PAPLN: variants seen among roughly 807,000 people sequenced by gnomAD.
PAPLN encodes papilin.
PAPLN carries 146 observed loss-of-function variants against 159.0 expected under a neutral mutation model. The ratio of observed to expected loss-of-function variants is 0.92; its 90% CI spans 0.80 to 1.05. PAPLN has a LOEUF of 1.05. PAPLN is among the 50% of genes least tolerant of loss of function. The pLI, the probability that PAPLN is intolerant of heterozygous loss-of-function variation, is 0.00. For missense variants in PAPLN, 1,720 were observed against 1,743.9 expected (o/e 0.99, Z 0.24); for synonymous variants, 734 against 702.9 (o/e 1.04, Z -0.70).
chr14:73,266,637 G>T lies in PAPLN; in HGVS notation c.3391+9G>T. ...CCAGCTCAGAGTTCTGGGTAAAGTG[G>T]CAGTCCTGAGTGGCCTTTGAGGTCA... On this transcript the variant is annotated intron_variant, in intron 24 of 26. Transcript: ENST00000644200. 1 of 1,614,126 alleles carries T rather than the reference G, an allele frequency of 6.2e-7. No individual in the cohort carries two copies. Among genetic ancestry groups the T allele is most frequent in the Non-Finnish European group, 8.5e-7 (1 of 1,180,008 alleles).
At chr14:73,244,516 G>GGA (rs2140187938) in intron 2 of PAPLN, 128 bp from the exon 3 acceptor site, 1 of 730,200 alleles carries the variant, frequency 1.4e-6, no homozygotes, top group East Asian at 2.8e-5. Context: ...CCTAAAGGTG[G>GGA]GCCCTGGAAG....
intron 2 of PAPLN, among the ~76,000 whole-genome samples, chr14:73,240,106 A>G (rs1448288249): frequency 1.3e-5 from 2 of 152,076 alleles, no homozygotes; most frequent in East Asian, 3.9e-4. Context: ...TGGTGGGAGC[A>G]CTCCATGAAG....
In PAPLN at chr14:73,262,759, G is replaced by GGGCAGGAGCTTGGT; in HGVS notation, c.2655_2656insGGCAGGAGCTTGGT (p.Ser886GlyfsTer83). On this transcript the variant is annotated frameshift_variant, in exon 19 of 27. Transcript: ENST00000644200. LOFTEE classifies it high-confidence loss of function. Reference sequence around the variant, plus strand: ...AATGGCCATGGGGGCAGGAGCTTGGGTCCAGGGCCCCTGGACTGGGTGGAG... The same window carrying GGGCAGGAGCTTGGT: ...AATGGCCATGGGGGCAGGAGCTTGGGGGCAGGAGCTTGGTTCCAGGGCCCCTGGACTGGGTGGAG... 2.6e-6 allele frequency: 4 copies of GGGCAGGAGCTTGGT among 1,511,196 alleles called. No individual in the cohort carries two copies. Among genetic ancestry groups the GGGCAGGAGCTTGGT allele is most frequent in the Non-Finnish European group, 3.5e-6 (4 of 1,134,854 alleles). 93.6% of individuals were successfully genotyped at this position (1,511,196 alleles called of 1,614,324 possible).
rs1326527325 is a variant in PAPLN, at chr14:73,253,806, C to T, written c.1147C>T (p.Gln383Ter). 6.2e-7 allele frequency: 1 copy of T among 1,612,376 alleles called. No homozygotes were observed. The highest frequency in any genetic ancestry group is 1.1e-5 in the South Asian group (1 of 91,000). Residue 383 changes from glutamine to a stop codon, truncating the protein, a stop_gained, in exon 12 of 27, where the codon CAG (glutamine) becomes TAG (stop). Transcript: ENST00000644200. LOFTEE classifies it high-confidence loss of function. ...CTCAGCCTCCTGTGGAGGAGGCTCC[C>T]AGTCCCGCTCCGTGTACTGCATCTC... is the stretch of plus-strand genomic sequence containing the variant. The part of the protein sequence containing the change: ...PCSASCGGGS[Q>*]SRSVYCISSD...
Position 73,266,872 on chromosome 14 carries a change from CACA to C in PAPLN, c.3500+44_3500+46del, listed in dbSNP as rs763403813. The C allele has an allele frequency of 5.2e-6, 8 of 1,547,796 alleles. No individual in the cohort carries two copies. The East Asian group carries it at 1.4e-4, about 28-fold the overall frequency. ...CAAGTTGTCCCTGTCCCCAGACCTT[CACA>C]ACCTCAGGTGTGGGTGTCCACCTTT... On this transcript the variant is annotated intron_variant, in intron 25 of 26. Coordinates refer to ENST00000644200, the MANE Select transcript of PAPLN (RefSeq NM_001365906.3).
intron 1 of PAPLN, among the ~76,000 whole-genome samples, chr14:73,238,079 C>T (rs1883164292): frequency 6.6e-6 from 1 of 152,154 alleles, no homozygotes. Context: ...GGTGGGGACG[C>T]GGGGTGCCTG....
Position 73,272,820 on chromosome 14 carries a change from G to A in PAPLN, c.*156G>A, listed in dbSNP as rs1008582108. On this transcript the variant is annotated 3_prime_UTR_variant, in exon 27 of 27. Coordinates refer to ENST00000644200, the MANE Select transcript of PAPLN (RefSeq NM_001365906.3). ...AACCCACCCAGTGTTTAGCCTCAACGGCAGCCAGTTACCAGCTTCTCTCTG... is the reference window on the plus strand; with the variant it reads ...AACCCACCCAGTGTTTAGCCTCAACAGCAGCCAGTTACCAGCTTCTCTCTG... 1.7e-5 allele frequency: 12 copies of A among 697,466 alleles called. No homozygotes were observed. Among genetic ancestry groups the A allele is most frequent in the African/African-American group, 5.4e-5 (3 of 55,082 alleles). The allele number at this position is 697,466 out of a possible 1,614,324, so 43.2% of individuals were successfully genotyped here. A position where few individuals can be genotyped will look rare whatever the true frequency, so the allele number is the denominator to read the frequency against.
At chr14:73,261,064 C>T in intron 17 of PAPLN, 92 bp from the exon 18 acceptor site, 30 of 1,600,098 alleles carry the variant, frequency 1.9e-5, no homozygotes, top group Non-Finnish European at 2.5e-5. Context: ...GGTTCTGGCC[C>T]CTCCTTCCTG....
rs772613816 is a variant in PAPLN, at chr14:73,265,469, C to T, written c.3225C>T (p.Ile1075=). The change falls in exon 23 of 27, where the codon ATC becomes ATT. Residue 1075 remains isoleucine (I), a synonymous_variant. Transcript: ENST00000644200. The surrounding 1 kb of genome is among the most constrained non-coding windows in gnomAD (Gnocchi z 4.1). ...CRAEGFPPPA[I]EWQRDGQPVS... is the part of the protein sequence containing the mutation. ...CCGAAGGCTTCCCGCCCCCAGCCATCGAGTGGCAGAGAGATGGGCAGCCTG... is the reference window on the plus strand; with the variant it reads ...CCGAAGGCTTCCCGCCCCCAGCCATTGAGTGGCAGAGAGATGGGCAGCCTG... 8 of 1,613,790 alleles carry T rather than the reference C, an allele frequency of 5.0e-6. No homozygotes were observed. The highest frequency in any genetic ancestry group is 1.1e-5 in the South Asian group (1 of 91,090).
intron 19 of PAPLN, chr14:73,263,376 T>C: frequency 1.8e-6 from 1 of 541,190 alleles, no homozygotes; most frequent in South Asian, 2.4e-5. Context: ...TCCCGACCTC[T>C]CCCCACCCCT....
Position 73,254,552 on chromosome 14 carries a change from G to C in PAPLN, c.1342G>C (p.Val448Leu), listed in dbSNP as rs747187995. 1.9e-6 allele frequency: 3 copies of C among 1,614,050 alleles called. No homozygotes were observed. In the Admixed American group the frequency reaches 5.0e-5, roughly 27 times the overall value. Residue 448 changes from valine to leucine, a missense_variant, in exon 13 of 27, where the codon GTT becomes CTT. By Grantham distance (32) the Val-to-Leu change is conservative (BLOSUM62 1). Coordinates refer to ENST00000644200, the MANE Select transcript of PAPLN (RefSeq NM_001365906.3). The part of the protein sequence containing the change: ...SCGVGVRKRS[V>L]TCRGERGSLL... The stretch of plus-strand genomic sequence containing the variant: ...TGGCGTTGGCGTCCGGAAGCGGAGC[G>C]TTACTTGCCGGGGTGAAAGGGGTTC...
chr14:73,251,152 A>T (rs1481055986), intron 7 of PAPLN, 122 bp downstream of exon 7: 2 of 1,467,736 alleles, frequency 1.4e-6, no homozygotes, highest in East Asian at 4.6e-5. Context: ...GAAGGCTCTG[A>T]TCATATCAGG....
chr14:73,270,108 G>A (rs1349282610), intron 26 of PAPLN, among the ~76,000 whole-genome samples: 4 of 152,216 alleles, frequency 2.6e-5, no homozygotes, highest in African/African-American at 9.6e-5. Flanking sequence ...CGGGAGGGAG[G>A]GTTACAGGGT....
chr14:73,263,741 G>A lies in PAPLN; in HGVS notation c.2820G>A (p.Gln940=). The A allele has an allele frequency of 6.2e-7, 1 of 1,608,544 alleles. No homozygotes were observed. Among genetic ancestry groups the A allele is most frequent in the Non-Finnish European group, 8.5e-7 (1 of 1,179,922 alleles). The change falls in exon 20 of 27, where the codon CAG becomes CAA. Residue 940 remains glutamine, a synonymous_variant. Coordinates refer to ENST00000644200, the MANE Select transcript of PAPLN (RefSeq NM_001365906.3). ...CAGACGACACTGCCCCGGAATCCCA[G>A]GCTGCCTGGCAGAAAGATGGCCAGC... is the stretch of plus-strand genomic sequence containing the variant. The part of the protein sequence containing the change: ...SCSDDTAPES[Q]AAWQKDGQPI...
Position 73,245,971 on chromosome 14 carries a change from A to G in PAPLN, c.232-102A>G. On this transcript the variant is annotated intron_variant, in intron 4 of 26. Coordinates refer to ENST00000644200, the MANE Select transcript of PAPLN (RefSeq NM_001365906.3). This position sits in a 1 kb window ranked among gnomAD's most constrained non-coding sequence, Gnocchi z 4.2. ...CCACCTCCGGCGGCTCCGATGGGGC[A>G]GGCAAGGGAGACTCCTGGGCTCCCT... 1 of 1,200,812 alleles carries G rather than the reference A, an allele frequency of 8.3e-7. No homozygotes were observed. The highest frequency in any genetic ancestry group is 1.1e-6 in the Non-Finnish European group (1 of 888,158). The allele number at this position is 1,200,812 out of a possible 1,614,324, so 74.4% of individuals were successfully genotyped here. A position where few individuals can be genotyped will look rare whatever the true frequency, so the allele number is the denominator to read the frequency against.
intron 20 of PAPLN, 42 bp downstream of exon 20, chr14:73,263,824 C>T (rs1211616248): frequency 9.8e-6 from 15 of 1,537,616 alleles, no homozygotes; most frequent in African/African-American, 1.4e-5. Flanking sequence ...GGTGTGACAG[C>T]CCCCCTACCT....
chr14:73,260,639 G>A, intron 16 of PAPLN, 70 bp from the exon 17 acceptor site: 1 of 1,359,256 alleles, frequency 7.4e-7, no homozygotes, highest in Non-Finnish European at 9.5e-7. Context: ...GAGCCTCAGA[G>A]CCTGGGTCCT....
chr14:73,240,414 A>G (rs1566667208), intron 2 of PAPLN, among the ~76,000 whole-genome samples: 1 of 151,922 alleles, frequency 6.6e-6, no homozygotes, highest in African/African-American at 2.4e-5. Flanking sequence ...CTTGACTTTA[A>G]TTAATTTAAA....
Position 73,245,630 on chromosome 14 carries a change from C to G in PAPLN, c.171-6C>G. 1 of 1,557,376 alleles carries G rather than the reference C, an allele frequency of 6.4e-7. No individual in the cohort carries two copies. ...GTCAGGTCTTCCCGGTGCTCTGGTC[C>G]CGCAGGAGAGATGGAGGCTCCAGCT... On this transcript the variant is annotated splice_polypyrimidine_tract_variant and splice_region_variant and intron_variant, in intron 3 of 26. Coordinates refer to ENST00000644200, the MANE Select transcript of PAPLN (RefSeq NM_001365906.3). The surrounding 1 kb of genome is among the most constrained non-coding windows in gnomAD (Gnocchi z 4.2).
Sources: allele counts gnomAD v4.1 joint callset (sites outside exome capture counted in the v4.1 genomes callset), GRCh38; gene constraint gnomAD v4.1.1; non-coding constraint Gnocchi (gnomAD v3.1); transcripts MANE v1.5; gene names NCBI Gene and HGNC (gene_info 2026-07-23, HGNC 2026-07-21).